COLEC12: variants seen among roughly 807,000 people sequenced by gnomAD.
COLEC12 encodes the protein collectin-12.
COLEC12 carries 33 observed loss-of-function variants against 71.1 expected under a neutral mutation model. The ratio of observed to expected loss-of-function variants is 0.46; its 90% confidence interval spans 0.35 to 0.62. The LOEUF is 0.62. Among genes scored for constraint, COLEC12 ranks in the 20% least tolerant of loss-of-function variants. The probability of loss-of-function intolerance (pLI) is 0.00; values close to 1 mark genes in which losing one functional copy is unlikely to be tolerated. For missense variants in COLEC12, 765 were observed against 916.1 expected (o/e 0.84, Z 2.13); for synonymous variants, 350 against 353.0 (o/e 0.99, Z 0.10).
intron 2 of COLEC12, among the ~76,000 whole-genome samples, chr18:387,079 GT>G (rs1348640517): frequency 2.0e-5 from 3 of 152,164 alleles, no homozygotes; most frequent in African/African-American, 7.2e-5. Flanking sequence ...CTCCAGTCCT[GT>G]TTTCCAACAC....
In COLEC12 at chr18:465,303, A is replaced by G. The variant is rs371299221; in HGVS notation, c.58+15404T>C. Among the ~76,000 whole-genome samples the G allele has an allele frequency of 3.3e-5, 5 of 152,184 alleles. No individual in the cohort carries two copies. In the East Asian group the frequency reaches 9.7e-4, roughly 29 times the overall value. On this transcript the variant is annotated intron_variant, in intron 2 of 9. Coordinates refer to ENST00000400256, the MANE Select transcript of COLEC12 (RefSeq NM_130386.3). Reference sequence around the variant, plus strand: ...TTTTTAGTAGAGACAGGGTTTCACAATGTTGGCCAGGCTGGTCTCAGACTC... The same window carrying G: ...TTTTTAGTAGAGACAGGGTTTCACAGTGTTGGCCAGGCTGGTCTCAGACTC...
intron 8 of COLEC12, among the ~76,000 whole-genome samples, chr18:325,838 G>C (rs1329368162): frequency 1.3e-5 from 2 of 151,874 alleles, no homozygotes; most frequent in African/African-American, 4.8e-5. Flanking sequence ...TAATTTTTAA[G>C]TTTTTTGTAG....
In COLEC12 at chr18:340,405, C is replaced by T. The variant is rs148093231; in HGVS notation, c.1328-5175G>A. On this transcript the variant is annotated intron_variant, in intron 5 of 9. Coordinates refer to ENST00000400256, the MANE Select transcript of COLEC12 (RefSeq NM_130386.3). ...TGCTGTCAGTGACACCTCTACCCCA[C>T]GGTCCCCAGGCCCACGGTTCTGGGA... 3.9e-3 allele frequency among the ~76,000 whole-genome samples: 591 copies of T among 152,282 alleles called. 2 individuals are homozygous for T. The highest frequency in any genetic ancestry group is 0.013 in the African/African-American group (541 of 41,548).
intron 8 of COLEC12, 53 bp downstream of exon 8, chr18:331,615 A>G (rs1039512407): frequency 8.6e-7 from 1 of 1,167,000 alleles, no homozygotes; most frequent in African/African-American, 1.5e-5. Context: ...GCAAGAAGTG[A>G]CAACAGAACA....
At chr18:394,506 T>C (rs55780358) in intron 2 of COLEC12, among the ~76,000 whole-genome samples, 58,136 of 152,132 alleles carry the variant, frequency 0.38, 11,811 homozygotes, top group South Asian at 0.53. Context: ...CAGCAGAATG[T>C]TGTATCAAAA....
chr18:325,118 C>T (rs556692790), intron 8 of COLEC12, among the ~76,000 whole-genome samples: 38 of 152,176 alleles, frequency 2.5e-4, no homozygotes, highest in Non-Finnish European at 3.4e-4. Context: ...ACTTGAGCCT[C>T]GGAGGTTGAG....
intron 2 of COLEC12, among the ~76,000 whole-genome samples, chr18:384,960 C>T (rs986375174): frequency 2.0e-4 from 30 of 152,192 alleles, no homozygotes; most frequent in Admixed American, 3.9e-4. Context: ...ACTTAAAATA[C>T]AGCAATAAAA....
At position 323,514 on chromosome 18, in the gene COLEC12, C is replaced by T. The variant is rs188541660; in HGVS notation, c.2064-1707G>A. On this transcript the variant is annotated intron_variant, in intron 8 of 9. Coordinates refer to ENST00000400256, the MANE Select transcript of COLEC12 (RefSeq NM_130386.3). ...GTCACAATGAGTTCAAAATCTCAGC[C>T]TGTGACAATCTCAGCCTGACGCCAG... is the stretch of plus-strand genomic sequence containing the variant. Among the ~76,000 whole-genome samples, 16 of 152,314 alleles carry T rather than the reference C, an allele frequency of 1.1e-4. No individual in the cohort carries two copies. The East Asian group carries it at 2.5e-3, about 24-fold the overall frequency.
At chr18:451,853 C>A in intron 2 of COLEC12, among the ~76,000 whole-genome samples, 1 of 152,148 alleles carries the variant, frequency 6.6e-6, no homozygotes, top group African/African-American at 2.4e-5. Context: ...AAAGAAAAGA[C>A]CATTTCCAGG....
intron 2 of COLEC12, among the ~76,000 whole-genome samples, chr18:420,824 C>A (rs1447372450): frequency 6.6e-6 from 1 of 152,046 alleles, no homozygotes. Context: ...CAAAGATAGC[C>A]AAGGGCCCAG....
intron 8 of COLEC12, among the ~76,000 whole-genome samples, chr18:329,636 G>T (rs1417725134): frequency 1.3e-5 from 2 of 152,154 alleles, no homozygotes; most frequent in South Asian, 2.1e-4. Flanking sequence ...CTCTCCCCAG[G>T]ACAGGCGCAG....
chr18:348,577 G>A (rs1274446839), intron 3 of COLEC12, among the ~76,000 whole-genome samples: 1 of 152,150 alleles, frequency 6.6e-6, no homozygotes, highest in African/African-American at 2.4e-5. Flanking sequence ...TTCTTGGCAG[G>A]TGGGACTCAT....
intron 2 of COLEC12, among the ~76,000 whole-genome samples, chr18:473,813 G>A (rs879664511): frequency 5.3e-5 from 8 of 152,122 alleles, no homozygotes; most frequent in Non-Finnish European, 1.0e-4. Context: ...AACCAAAACA[G>A]AGCTGAGTAG....
At chr18:445,655 A>C (rs1372563209) in intron 2 of COLEC12, among the ~76,000 whole-genome samples, 1 of 86,886 alleles carries the variant, frequency 1.2e-5, no homozygotes. Context: ...TTTTTGAGAC[A>C]AGGTTTTACT....
chr18:395,011 G>A (rs1248941107), intron 2 of COLEC12, among the ~76,000 whole-genome samples: 3 of 152,216 alleles, frequency 2.0e-5, no homozygotes, highest in Admixed American at 6.5e-5. Context: ...TGAGTACAGT[G>A]ATAGGAATTA....
At chr18:378,052 A>G (rs1252586920) in intron 2 of COLEC12, among the ~76,000 whole-genome samples, 1 of 152,158 alleles carries the variant, frequency 6.6e-6, no homozygotes, top group Non-Finnish European at 1.5e-5. Context: ...ACGGGTGATA[A>G]TCCAAAAATT....
chr18:417,486 C>T (rs1247319985), intron 2 of COLEC12, among the ~76,000 whole-genome samples: 1 of 152,088 alleles, frequency 6.6e-6, no homozygotes, highest in African/African-American at 2.4e-5. Context: ...ATAGTGGTGA[C>T]CAACACAGAC....
At chr18:358,507 T>G (rs1321988126) in intron 2 of COLEC12, among the ~76,000 whole-genome samples, 2 of 152,126 alleles carry the variant, frequency 1.3e-5, no homozygotes, top group Non-Finnish European at 2.9e-5. Flanking sequence ...ACAACCTAGA[T>G]CCCTCACATG....
At chr18:352,754 A>G (rs1488666463) in intron 3 of COLEC12, among the ~76,000 whole-genome samples, 1 of 152,218 alleles carries the variant, frequency 6.6e-6, no homozygotes, top group Non-Finnish European at 1.5e-5. Context: ...CAGCACTTTC[A>G]TTGACTTTTA....
Sources: allele counts gnomAD v4.1 joint callset (sites outside exome capture counted in the v4.1 genomes callset), GRCh38; gene constraint gnomAD v4.1.1; transcripts MANE v1.5; gene names NCBI Gene and HGNC (gene_info 2026-07-23, HGNC 2026-07-21).